Variants in ATP2B2 observed in about 807,000 individuals in gnomAD.
ATP2B2 encodes plasma membrane calcium-transporting ATPase 2.
A neutral mutation model predicts 120.0 loss-of-function variants in ATP2B2; 15 were observed. That is an observed-to-expected ratio of 0.12 (90% CI 0.08 to 0.19). The LOEUF (loss-of-function observed/expected upper bound fraction) is 0.19. Among genes scored for constraint, ATP2B2 ranks in the 10% least tolerant of loss-of-function variants. The pLI is 1.00. For synonymous variants in ATP2B2, 694 were observed against 700.3 expected (o/e 0.99, Z 0.14); for missense variants, 1,045 against 1,719.8 (o/e 0.61, Z 6.94).
chr3:10,664,954 A>T (rs2070889206), intron 1 of ATP2B2, among the ~76,000 whole-genome samples: 1 of 152,054 alleles, frequency 6.6e-6, no homozygotes, highest in African/African-American at 2.4e-5. Context: ...CCAATGTCAA[A>T]GGTGCTCTCA....
chr3:10,592,729 T>C (rs1046557654), intron 2 of ATP2B2, among the ~76,000 whole-genome samples: 4 of 152,198 alleles, frequency 2.6e-5, no homozygotes, highest in African/African-American at 4.8e-5. Context: ...TTAGTTTTCA[T>C]TTCATTTCCC....
chr3:10,524,572 A>G (rs940188717), intron 3 of ATP2B2, among the ~76,000 whole-genome samples: 1 of 152,134 alleles, frequency 6.6e-6, no homozygotes, highest in East Asian at 1.9e-4. Flanking sequence ...GGCCAGTCTT[A>G]TGGCTTTGTC....
rs893612022 is a variant in ATP2B2 at position 10,454,302 on chromosome 3, C to G, written c.-319-4440G>C. ...TAACCAGGAATGCCTTTCCTCTCAG[C>G]TCCAAGTAGGGATTTTTTTTTCTTC... On this transcript the variant is annotated intron_variant, in intron 1 of 22. Coordinates refer to ENST00000360273, the MANE Select transcript of ATP2B2 (RefSeq NM_001001331.4). Among the ~76,000 whole-genome samples, 3 of 152,062 alleles carry G rather than the reference C, an allele frequency of 2.0e-5. No individual in the cohort carries two copies. In the East Asian group the frequency reaches 5.8e-4, roughly 29 times the overall value.
chr3:10,336,863 C>T (rs1359602368), intron 22 of ATP2B2, among the ~76,000 whole-genome samples: 1 of 152,240 alleles, frequency 6.6e-6, no homozygotes. Context: ...GACAGGCGCC[C>T]CTGCCCACTC....
chr3:10,442,925 A>G (rs73814225), intron 2 of ATP2B2, among the ~76,000 whole-genome samples: 7,527 of 152,292 alleles, frequency 0.049, 627 homozygotes, highest in African/African-American at 0.17. Flanking sequence ...ACAGATGAAG[A>G]AACTGAGGCA....
chr3:10,573,706 G>C (rs1369996506), intron 2 of ATP2B2, among the ~76,000 whole-genome samples: 1 of 152,202 alleles, frequency 6.6e-6, no homozygotes, highest in Non-Finnish European at 1.5e-5. Context: ...TCCAGACTCT[G>C]AGAGCAACGC....
chr3:10,428,146 C>A (rs2063201014), intron 2 of ATP2B2, among the ~76,000 whole-genome samples: 1 of 152,222 alleles, frequency 6.6e-6, no homozygotes, highest in African/African-American at 2.4e-5. Flanking sequence ...GGCATGTTAA[C>A]CTCCAGGTGC....
intron 2 of ATP2B2, among the ~76,000 whole-genome samples, chr3:10,574,777 C>T (rs563444229): frequency 1.6e-4 from 24 of 152,160 alleles, no homozygotes; most frequent in African/African-American, 5.8e-4. Flanking sequence ...AAAAAGTAAA[C>T]AGGTCTCAGC....
At chr3:10,434,211 T>C (rs2063408947) in intron 2 of ATP2B2, among the ~76,000 whole-genome samples, 1 of 152,260 alleles carries the variant, frequency 6.6e-6, no homozygotes, top group Non-Finnish European at 1.5e-5. Flanking sequence ...AGTTACAATC[T>C]TTAACTTATT....
chr3:10,419,660 A>G (rs921409772), intron 2 of ATP2B2, among the ~76,000 whole-genome samples: 1 of 152,202 alleles, frequency 6.6e-6, no homozygotes, highest in African/African-American at 2.4e-5. Context: ...AGGCTCTGAC[A>G]GTGCTTTGTA....
At chr3:10,702,962 T>A (rs1439134758) in intron 1 of ATP2B2, among the ~76,000 whole-genome samples, 1 of 152,116 alleles carries the variant, frequency 6.6e-6, no homozygotes, top group African/African-American at 2.4e-5. Flanking sequence ...ATTTCTCGGG[T>A]CACAGAGCCC....
intron 3 of ATP2B2, among the ~76,000 whole-genome samples, chr3:10,520,224 C>T (rs1393331452): frequency 6.6e-6 from 1 of 152,194 alleles, no homozygotes; most frequent in Non-Finnish European, 1.5e-5. Context: ...CTTTTCCTTA[C>T]AATGATTTAG....
chr3:10,583,426 A>C lies in ATP2B2; in HGVS notation c.-415+36491T>G, dbSNP rs1422432685. ...TCCAAACAGTGCCTTATAAAGGAAA[A>C]GCTGGTTCCTTGACCCTAAGCCCTG... On this transcript the variant is annotated intron_variant, in intron 2 of 21. Coordinates refer to the ATP2B2 transcript ENST00000646379. Among the ~76,000 whole-genome samples, 4 of 152,186 alleles carry C rather than the reference A, an allele frequency of 2.6e-5. No individual in the cohort carries two copies. In the East Asian group the frequency reaches 7.7e-4, roughly 29 times the overall value.
At chr3:10,650,616 G>A (rs1404979140) in intron 1 of ATP2B2, among the ~76,000 whole-genome samples, 1 of 152,250 alleles carries the variant, frequency 6.6e-6, no homozygotes, top group Non-Finnish European at 1.5e-5. Flanking sequence ...TCCAGGACAT[G>A]TTGGAGGTCT....
At chr3:10,631,039 C>G (rs957019474) in intron 1 of ATP2B2, among the ~76,000 whole-genome samples, 1 of 152,126 alleles carries the variant, frequency 6.6e-6, no homozygotes, top group African/African-American at 2.4e-5. Context: ...AGCACAGACC[C>G]CGAGCCACAC....
chr3:10,359,772 C>T (rs1190087745), intron 13 of ATP2B2, 110 bp downstream of exon 13: 2 of 1,514,872 alleles, frequency 1.3e-6, no homozygotes, highest in Non-Finnish European at 1.8e-6. Flanking sequence ...TCCAGCCGGG[C>T]AGGCTGCTGA....
At chr3:10,554,090 T>A (rs945363944) in intron 2 of ATP2B2, among the ~76,000 whole-genome samples, 3 of 152,024 alleles carry the variant, frequency 2.0e-5, no homozygotes, top group Non-Finnish European at 2.9e-5. Flanking sequence ...GGCTGCCAGC[T>A]GCCATTGCTG....
intron 2 of ATP2B2, among the ~76,000 whole-genome samples, chr3:10,441,322 C>G (rs1477666285): frequency 6.6e-6 from 1 of 152,192 alleles, no homozygotes; most frequent in African/African-American, 2.4e-5. Flanking sequence ...TCACTGCAAC[C>G]TCTGCCTCCC....
At chr3:10,520,363 G>A (rs2066959792) in intron 3 of ATP2B2, among the ~76,000 whole-genome samples, 1 of 152,230 alleles carries the variant, frequency 6.6e-6, no homozygotes, top group African/African-American at 2.4e-5. Context: ...GGTAATAGTG[G>A]AGGCTGGGAG....
Sources: gnomAD v4.1 joint callset for allele counts (sites outside exome capture counted in the v4.1 genomes callset) on GRCh38, gnomAD v4.1.1 for gene constraint, MANE v1.5 for transcripts, NCBI Gene and HGNC (gene_info 2026-07-23, HGNC 2026-07-21) for gene names.